NTNG1: variants seen among roughly 807,000 people sequenced by gnomAD.
NTNG1 encodes netrin G1, also known as netrin-G1.
In NTNG1, 16 loss-of-function variants were observed where a neutral mutation model predicts 54.0. That is an observed-to-expected ratio of 0.30 (90% CI 0.20 to 0.45). NTNG1 has a LOEUF of 0.45. Ranked by LOEUF, NTNG1 falls within the 20% of genes least tolerant of loss-of-function variation. The pLI is 1.00. For synonymous variants in NTNG1, 255 were observed against 263.1 expected (o/e 0.97, Z 0.30); for missense variants, 530 against 678.7 (o/e 0.78, Z 2.43).
chr1:107,243,128 C>T (rs1204339076), intron 2 of NTNG1, among the ~76,000 whole-genome samples: 3 of 152,242 alleles, frequency 2.0e-5, no homozygotes, highest in African/African-American at 7.2e-5. Context: ...ATATTTTTTG[C>T]CCACATTTAT....
chr1:107,165,349 TTTA>T lies in NTNG1; in HGVS notation c.246+16517_246+16519del, dbSNP rs577213710. The stretch of plus-strand genomic sequence containing the variant: ...TCTAACAGCGTTTAAGACATGCAAC[TTTA>T]TTATTAAAATTCCTACATTAAAATA... On this transcript the variant is annotated intron_variant, in intron 2 of 7. Coordinates refer to ENST00000370068, the MANE Select transcript of NTNG1 (RefSeq NM_001113226.3). 1.8e-3 allele frequency among the ~76,000 whole-genome samples: 272 copies of T among 152,274 alleles called. 1 individual carries two copies. The highest frequency in any genetic ancestry group is 6.3e-3 in the African/African-American group (263 of 41,556).
At chr1:107,140,611 GC>G (rs1653581307), upstream of NTNG1, among the ~76,000 whole-genome samples, 1 of 151,934 alleles carries the variant, frequency 6.6e-6, no homozygotes, top group African/African-American at 2.4e-5. Flanking sequence ...TCTTCTTGGC[GC>G]CAATGCTAAT....
rs184140603 is a variant in NTNG1 at position 107,450,332 on chromosome 1, T to C, written c.1390+13533T>C. ...TGCAGCCTCAGCCTCAGTTTGTGCATGTAAAATGAAGATAAGAATTGGACC... is the reference window on the plus strand; with the variant it reads ...TGCAGCCTCAGCCTCAGTTTGTGCACGTAAAATGAAGATAAGAATTGGACC... On this transcript the variant is annotated intron_variant, in intron 7 of 7. Coordinates refer to ENST00000370068, the MANE Select transcript of NTNG1 (RefSeq NM_001113226.3). Among the ~76,000 whole-genome samples the C allele has an allele frequency of 3.0e-4, 45 of 152,214 alleles. No individual in the cohort carries two copies. The East Asian group carries it at 7.7e-3, about 26-fold the overall frequency.
At chr1:107,440,468 G>T (rs563217673) in intron 7 of NTNG1, among the ~76,000 whole-genome samples, 1 of 152,218 alleles carries the variant, frequency 6.6e-6, no homozygotes, top group South Asian at 2.1e-4. Context: ...CATCTAAAAT[G>T]GGGTAATAAT....
At chr1:107,244,868 G>A (rs138196998) in intron 2 of NTNG1, among the ~76,000 whole-genome samples, 13 of 152,340 alleles carry the variant, frequency 8.5e-5, no homozygotes, top group African/African-American at 3.1e-4. Flanking sequence ...TTTGGAGCCT[G>A]ATAGAACTAG....
intron 2 of NTNG1, among the ~76,000 whole-genome samples, chr1:107,172,600 C>T (rs773760446): frequency 4.6e-5 from 7 of 152,224 alleles, no homozygotes; most frequent in South Asian, 2.1e-4. Flanking sequence ...TTTATACTGT[C>T]ACTATAAAAG....
intron 3 of NTNG1, among the ~76,000 whole-genome samples, chr1:107,386,139 A>ATATACACATATATATACT (rs1360069812): frequency 0.014 from 1,467 of 101,832 alleles, 37 homozygotes; most frequent in East Asian, 0.068. Context: ...ATGTATATAT[A>ATATACACATATATATACT]TATATGTGTG....
intron 2 of NTNG1, among the ~76,000 whole-genome samples, chr1:107,158,141 A>T (rs547810731): frequency 5.9e-5 from 9 of 152,278 alleles, no homozygotes; most frequent in Admixed American, 3.9e-4. Context: ...CTAAAACATA[A>T]TTCCTTGTAT....
intron 3 of NTNG1, among the ~76,000 whole-genome samples, chr1:107,384,494 A>C (rs1399183469): frequency 6.6e-6 from 1 of 152,166 alleles, no homozygotes; most frequent in Non-Finnish European, 1.5e-5. Flanking sequence ...AAATGATCAA[A>C]ATCTCAGTTT....
At chr1:107,426,118 G>T (rs1674894249) in intron 5 of NTNG1, among the ~76,000 whole-genome samples, 1 of 152,024 alleles carries the variant, frequency 6.6e-6, no homozygotes, top group African/African-American at 2.4e-5. Context: ...CTCCCATTCT[G>T]TAGGTTGTCT....
chr1:107,306,038 G>C (rs1666677913), intron 2 of NTNG1, among the ~76,000 whole-genome samples: 1 of 152,168 alleles, frequency 6.6e-6, no homozygotes, highest in African/African-American at 2.4e-5. Flanking sequence ...GGCCTCTTCA[G>C]TCTAGGCTGT....
At chr1:107,246,454 C>G (rs1012367806) in intron 2 of NTNG1, among the ~76,000 whole-genome samples, 9 of 149,858 alleles carry the variant, frequency 6.0e-5, no homozygotes, top group African/African-American at 2.2e-4. Context: ...AGCTTAAATG[C>G]AACTGTTTTT....
At chr1:107,475,508 T>C (rs1470762771) in intron 7 of NTNG1, among the ~76,000 whole-genome samples, 1 of 152,186 alleles carries the variant, frequency 6.6e-6, no homozygotes, top group Non-Finnish European at 1.5e-5. Context: ...AAAGGGTCTG[T>C]CTTAGATCCC....
chr1:107,200,149 C>A (rs1307745541), intron 2 of NTNG1, among the ~76,000 whole-genome samples: 1 of 151,766 alleles, frequency 6.6e-6, no homozygotes, highest in East Asian at 1.9e-4. Context: ...TCACCATAAT[C>A]TCTGACTGAT....
intron 3 of NTNG1, among the ~76,000 whole-genome samples, chr1:107,384,443 C>A (rs1029406244): frequency 5.9e-5 from 9 of 152,148 alleles, no homozygotes; most frequent in Non-Finnish European, 1.0e-4. Context: ...TGCTCTCTCT[C>A]TCTCTATATA....
intron 2 of NTNG1, among the ~76,000 whole-genome samples, chr1:107,201,337 T>C (rs1316387060): frequency 6.6e-6 from 1 of 151,802 alleles, no homozygotes; most frequent in Non-Finnish European, 1.5e-5. Flanking sequence ...TCCTCAATCT[T>C]CCAATCTGAA....
At chr1:107,446,002 T>C (rs1274712822) in intron 7 of NTNG1, among the ~76,000 whole-genome samples, 1 of 152,084 alleles carries the variant, frequency 6.6e-6, no homozygotes, top group Admixed American at 6.6e-5. Context: ...CAGATCATAG[T>C]TTGATTTATT....
At chr1:107,226,908 A>G (rs1463263190) in intron 2 of NTNG1, among the ~76,000 whole-genome samples, 2 of 152,082 alleles carry the variant, frequency 1.3e-5, no homozygotes, top group Non-Finnish European at 2.9e-5. Flanking sequence ...TGGAATCTTA[A>G]GGATACTGCT....
intron 3 of NTNG1, among the ~76,000 whole-genome samples, chr1:107,368,669 T>C (rs1163287548): frequency 6.6e-6 from 1 of 152,156 alleles, no homozygotes; most frequent in East Asian, 1.9e-4. Context: ...ATCAGGAACA[T>C]GAGACTTGCA....
Sources: allele counts gnomAD v4.1 joint callset (sites outside exome capture counted in the v4.1 genomes callset), GRCh38; gene constraint gnomAD v4.1.1; transcripts MANE v1.5; gene names NCBI Gene and HGNC (gene_info 2026-07-23, HGNC 2026-07-21).